DNM3: variants seen among roughly 807,000 people sequenced by gnomAD.
DNM3 encodes dynamin 3, also known as dynamin-3.
A neutral mutation model predicts 101.6 loss-of-function variants in DNM3; 47 were observed. The ratio of observed to expected loss-of-function variants is 0.46; its 90% CI spans 0.37 to 0.59. The LOEUF is 0.59. DNM3 is among the 20% of genes least tolerant of loss of function. The probability of loss-of-function intolerance (pLI) is 0.00; values close to 1 mark genes in which losing one functional copy is unlikely to be tolerated. For missense variants in DNM3, 849 were observed against 1,085.7 expected (o/e 0.78, Z 3.06); for synonymous variants, 385 against 387.9 (o/e 0.99, Z 0.09).
intron 10 of DNM3, among the ~76,000 whole-genome samples, chr1:172,059,025 C>T (rs1167428941): frequency 6.6e-6 from 1 of 152,096 alleles, no homozygotes; most frequent in East Asian, 1.9e-4. Context: ...CACCACAGAT[C>T]ACACAGAAAT....
At chr1:172,305,049 C>T (rs551814988) in intron 15 of DNM3, among the ~76,000 whole-genome samples, 13 of 151,770 alleles carry the variant, frequency 8.6e-5, no homozygotes, top group South Asian at 2.1e-4. Flanking sequence ...GAACTGAAGG[C>T]GATAGAGACA....
chr1:172,201,753 A>G (rs542973615), intron 14 of DNM3, among the ~76,000 whole-genome samples: 1 of 152,326 alleles, frequency 6.6e-6, no homozygotes, highest in South Asian at 2.1e-4. Flanking sequence ...GCCTGGTCCA[A>G]GGAATTTCCG....
chr1:172,008,796 T>A (rs1261629092), intron 4 of DNM3, among the ~76,000 whole-genome samples: 1 of 73,238 alleles, frequency 1.4e-5, no homozygotes, highest in Non-Finnish European at 2.4e-5. Context: ...TTAATATATA[T>A]AATATATAAT....
chr1:171,911,502 C>T lies in DNM3; in HGVS notation c.162-10246C>T, dbSNP rs189480650. ...TTCGCCATTTTGGCCAAGCTGGTCT[C>T]GAACTCCCAACCTCAGGTGATCCGC... On this transcript the variant is annotated intron_variant, in intron 1 of 20. Transcript: ENST00000627582. 7.2e-3 allele frequency among the ~76,000 whole-genome samples: 1,096 copies of T among 152,210 alleles called. 11 individuals carry two copies. The highest frequency in any genetic ancestry group is 0.025 in the African/African-American group (1,026 of 41,522).
intron 18 of DNM3, among the ~76,000 whole-genome samples, chr1:172,380,281 T>G (rs1041587631): frequency 6.6e-6 from 1 of 152,070 alleles, no homozygotes; most frequent in Non-Finnish European, 1.5e-5. Flanking sequence ...TTGTAAGAAA[T>G]TAATATGGCT....
intron 14 of DNM3, chr1:172,137,136 G>C (rs1297363095): frequency 6.6e-6 from 1 of 152,066 alleles, no homozygotes; most frequent in African/African-American, 2.4e-5. Context: ...AGCCTTGCAG[G>C]GTCCAGTAGA....
intron 17 of DNM3, among the ~76,000 whole-genome samples, chr1:172,344,345 G>T (rs1048105440): frequency 6.6e-6 from 1 of 152,116 alleles, no homozygotes; most frequent in African/African-American, 2.4e-5. Context: ...TGGGTTAGAA[G>T]GTATTGTCTT....
At chr1:172,364,183 T>G (rs2067889659) in intron 17 of DNM3, among the ~76,000 whole-genome samples, 1 of 151,906 alleles carries the variant, frequency 6.6e-6, no homozygotes, top group Non-Finnish European at 1.5e-5. Context: ...CATCATATAT[T>G]AAATGTTTAA....
At chr1:172,387,013 GGGTGGACTTT>G (rs1029592686) in intron 18 of DNM3, 110 bp from the exon 19 acceptor site, 97 of 787,830 alleles carry the variant, frequency 1.2e-4, no homozygotes, top group South Asian at 3.2e-4. Context: ...ACTTTTCCCA[GGGTGGACTTT>G]GGTGGACTTT....
At chr1:172,322,308 C>T (rs1363468726) in intron 16 of DNM3, among the ~76,000 whole-genome samples, 1 of 152,216 alleles carries the variant, frequency 6.6e-6, no homozygotes, top group East Asian at 1.9e-4. Context: ...TCACAGCTCT[C>T]TTCCACCCTG....
chr1:172,321,761 C>T (rs2065728739), intron 16 of DNM3, among the ~76,000 whole-genome samples: 1 of 152,156 alleles, frequency 6.6e-6, no homozygotes, highest in Non-Finnish European at 1.5e-5. Context: ...AGCTGCACTG[C>T]TGTGGAATGC....
intron 2 of DNM3, among the ~76,000 whole-genome samples, chr1:171,930,794 C>A (rs950503370): frequency 6.6e-6 from 1 of 152,190 alleles, no homozygotes; most frequent in Admixed American, 6.5e-5. Context: ...TATTTACTTG[C>A]CCCTTCTGTG....
chr1:172,058,375 A>G lies in DNM3; in HGVS notation c.1335+9625A>G, dbSNP rs1027617636. Reference sequence around the variant, plus strand: ...AGACATCTACAGAACTCTCCACCCCAAATCAACAGAATATACATTTTTTTC... The same window carrying G: ...AGACATCTACAGAACTCTCCACCCCGAATCAACAGAATATACATTTTTTTC... On this transcript the variant is annotated intron_variant, in intron 10 of 20. Coordinates refer to ENST00000627582, the MANE Select transcript of DNM3 (RefSeq NM_015569.5). 2.9e-4 allele frequency among the ~76,000 whole-genome samples: 43 copies of G among 150,858 alleles called. No individual in the cohort carries two copies. The East Asian group carries it at 7.5e-3, about 26-fold the overall frequency.
intron 15 of DNM3, among the ~76,000 whole-genome samples, chr1:172,267,326 A>G (rs1368892885): frequency 6.6e-6 from 1 of 152,248 alleles, no homozygotes; most frequent in African/African-American, 2.4e-5. Flanking sequence ...AGAAGATAGA[A>G]ATAATGCCAA....
At position 172,046,677 on chromosome 1, in the gene DNM3, A is replaced by AT. The variant is rs542973408; in HGVS notation, c.1197-1934dup. Among the ~76,000 whole-genome samples the AT allele has an allele frequency of 6.6e-4, 100 of 152,198 alleles. 1 individual carries two copies. Among genetic ancestry groups the AT allele is most frequent in the African/African-American group, 2.3e-3 (96 of 41,544 alleles). ...AAGAGGAGAAAACATCTATAACCAA[A>AT]TCTAACGTTTTTTCTTTTACCATCG... On this transcript the variant is annotated intron_variant, in intron 9 of 20. Coordinates refer to ENST00000627582, the MANE Select transcript of DNM3 (RefSeq NM_015569.5).
At chr1:172,357,907 A>C (rs2067532085) in intron 17 of DNM3, among the ~76,000 whole-genome samples, 1 of 152,108 alleles carries the variant, frequency 6.6e-6, no homozygotes, top group African/African-American at 2.4e-5. Context: ...GTCCACAGAC[A>C]TCAATGCATG....
chr1:172,061,268 A>G (rs2051169309), intron 10 of DNM3, among the ~76,000 whole-genome samples: 1 of 147,142 alleles, frequency 6.8e-6, no homozygotes, highest in South Asian at 2.1e-4. Context: ...AACTAGTTCA[A>G]CCATTGTGGA....
chr1:172,248,646 G>A (rs1276305333), intron 14 of DNM3, among the ~76,000 whole-genome samples: 1 of 151,656 alleles, frequency 6.6e-6, no homozygotes. Flanking sequence ...CTGGCAAATA[G>A]AAGACAACAC....
intron 14 of DNM3, among the ~76,000 whole-genome samples, chr1:172,235,608 A>T (rs1021379664): frequency 6.6e-6 from 1 of 152,238 alleles, no homozygotes; most frequent in Non-Finnish European, 1.5e-5. Flanking sequence ...ATGTCCAACG[A>T]TGATAGACTG....
Sources: gnomAD v4.1 joint callset for allele counts (sites outside exome capture counted in the v4.1 genomes callset) on GRCh38, gnomAD v4.1.1 for gene constraint, MANE v1.5 for transcripts, NCBI Gene and HGNC (gene_info 2026-07-23, HGNC 2026-07-21) for gene names.